CEP170: variants seen among roughly 807,000 people sequenced by gnomAD.
CEP170 encodes the protein centrosomal protein 170, also known as centrosomal protein of 170 kDa.
Under a neutral mutation model 151.9 loss-of-function variants are expected in CEP170, and 21 were observed. The observed-to-expected ratio is 0.14, with a 90% CI of 0.10 to 0.20. The LOEUF is 0.20. Ranked by LOEUF, CEP170 falls within the 10% of genes least tolerant of loss-of-function variation. The pLI is 1.00. For synonymous variants in CEP170, 356 were observed against 648.8 expected (o/e 0.55, Z 6.86); for missense variants, 964 against 1,892.9 (o/e 0.51, Z 9.11).
At chr1:243,210,742 G>A (rs1169341748) in intron 4 of CEP170, among the ~76,000 whole-genome samples, 1 of 151,014 alleles carries the variant, frequency 6.6e-6, no homozygotes, top group Admixed American at 6.6e-5. Flanking sequence ...AGCCTCTGGA[G>A]TAGCTGGGAT....
chr1:243,189,471 G>A (rs1477366910), intron 8 of CEP170, among the ~76,000 whole-genome samples: 3 of 150,890 alleles, frequency 2.0e-5, no homozygotes, highest in East Asian at 2.0e-4. Context: ...CAGGAGAATC[G>A]CGTGAACCCA....
intron 10 of CEP170, among the ~76,000 whole-genome samples, chr1:243,176,168 A>G (rs2059238420): frequency 6.6e-6 from 1 of 152,004 alleles, no homozygotes; most frequent in South Asian, 2.1e-4. Context: ...CTCAATCCAA[A>G]TCCCAAACAT....
At chr1:243,241,752 T>TG (rs2064858795) in intron 1 of CEP170, among the ~76,000 whole-genome samples, 1 of 150,416 alleles carries the variant, frequency 6.6e-6, no homozygotes, top group Admixed American at 6.6e-5. Flanking sequence ...ATCTCACCAC[T>TG]GCACTCCAGC....
At chr1:243,169,783 C>T (rs1175600996) in intron 11 of CEP170, 29 bp from the exon 12 acceptor site, 1 of 1,591,352 alleles carries the variant, frequency 6.3e-7, no homozygotes, top group South Asian at 1.2e-5. Flanking sequence ...AAAACAAAAT[C>T]ATGCAGCCTG....
At chr1:243,250,488 G>A (rs568573188) in intron 1 of CEP170, among the ~76,000 whole-genome samples, 9 of 152,198 alleles carry the variant, frequency 5.9e-5, no homozygotes, top group Non-Finnish European at 1.2e-4. Context: ...GTTGGTTTAT[G>A]TTGACTACAT....
At position 243,191,460 on chromosome 1, in the gene CEP170, T is replaced by C. The variant is rs1436044846; in HGVS notation, c.666A>G (p.Gln222=). 1 of 1,377,238 alleles carries C rather than the reference T, an allele frequency of 7.3e-7. No homozygotes were observed. The highest frequency in any genetic ancestry group is 2.0e-5 in the Admixed American group (1 of 50,818). 85.3% of individuals were successfully genotyped at this position (1,377,238 alleles called of 1,614,324 possible). ...CGIDAKQVEE[Q]SAAANEEVLF... is the part of the protein sequence containing the mutation. ...GTACTTCTTCATTTGCAGCTGCAGA[T>C]TGTTCCTCAACTTGCTTGGCATCTA... The change falls in exon 8 of 20, where the codon CAA becomes CAG. Residue 222 remains glutamine (Q), a synonymous_variant. Transcript: ENST00000366542.
chr1:243,148,337 G>A (rs1204048969), intron 14 of CEP170, among the ~76,000 whole-genome samples: 4 of 151,988 alleles, frequency 2.6e-5, no homozygotes, highest in Non-Finnish European at 4.4e-5. Context: ...TTGGGAGGCC[G>A]AGGTGGGCGG....
chr1:243,239,177 A>T (rs1375223034), intron 1 of CEP170, among the ~76,000 whole-genome samples: 1 of 152,184 alleles, frequency 6.6e-6, no homozygotes, highest in African/African-American at 2.4e-5. Flanking sequence ...TTTAATTTTT[A>T]AAAAACAGAA....
intron 3 of CEP170, 70 bp downstream of exon 3, chr1:243,221,654 T>C: frequency 7.1e-7 from 1 of 1,412,228 alleles, no homozygotes; most frequent in Admixed American, 2.4e-5. Flanking sequence ...CTAGGAAATG[T>C]AATCTGATTT....
At chr1:243,145,506 C>CTTGT (rs2056360884) in intron 14 of CEP170, among the ~76,000 whole-genome samples, 1 of 152,260 alleles carries the variant, frequency 6.6e-6, no homozygotes, top group Non-Finnish European at 1.5e-5. Context: ...ATCTCTTGAC[C>CTTGT]TTGTGATCCG....
chr1:243,179,645 G>GA (rs1430000469), intron 10 of CEP170, among the ~76,000 whole-genome samples: 2 of 152,152 alleles, frequency 1.3e-5, no homozygotes. Flanking sequence ...TAAATTCATT[G>GA]AAATAAGTTA....
chr1:243,161,303 CA>C (rs200842010), intron 13 of CEP170, among the ~76,000 whole-genome samples: 172 of 108,402 alleles, frequency 1.6e-3, no homozygotes, highest in East Asian at 1.5e-3. Flanking sequence ...GAGTCCGTCT[CA>C]AAAAAAAAAA....
chr1:243,141,202 C>T (rs2055793128), intron 15 of CEP170, among the ~76,000 whole-genome samples: 1 of 151,890 alleles, frequency 6.6e-6, no homozygotes, highest in Non-Finnish European at 1.5e-5. Flanking sequence ...TTAGGATTAT[C>T]TTGTAAAATT....
chr1:243,209,773 G>A (rs1033344631), intron 4 of CEP170, among the ~76,000 whole-genome samples: 9 of 151,376 alleles, frequency 5.9e-5, no homozygotes, highest in Admixed American at 4.6e-4. Context: ...TCCGCCTCCC[G>A]GGTTCACACC....
intron 4 of CEP170, among the ~76,000 whole-genome samples, chr1:243,203,173 T>A (rs2061174151): frequency 6.6e-6 from 1 of 152,176 alleles, no homozygotes; most frequent in Admixed American, 6.6e-5. Context: ...TACCATCTTC[T>A]TAGTGGTGCA....
At chr1:243,218,458 C>T (rs901624531) in intron 3 of CEP170, among the ~76,000 whole-genome samples, 4 of 152,160 alleles carry the variant, frequency 2.6e-5, no homozygotes, top group Non-Finnish European at 4.4e-5. Context: ...GAAAATGGCC[C>T]GTTAAAATAT....
chr1:243,126,619 T>A lies in CEP170; in HGVS notation c.4585A>T (p.Ser1529Cys). 6.4e-7 allele frequency: 1 copy of A among 1,571,386 alleles called. No individual in the cohort carries two copies. Among genetic ancestry groups the A allele is most frequent in the Non-Finnish European group, 8.6e-7 (1 of 1,157,150 alleles). ...CCAAGTGTTGGTGTCTGACCCGGGC[T>A]GTGGTGGTTATTCACAGGGCTGGAC... ...QKSSPVNNHHSPGQTPTLGQP... is the reference protein window; with the variant it reads ...QKSSPVNNHHCPGQTPTLGQP... Residue 1529 changes from serine (S) to cysteine (C), a missense_variant, in exon 20 of 20, where the codon AGC (serine) becomes TGC (cysteine). By Grantham distance (112) the Ser-to-Cys change is moderately radical. Transcript: ENST00000366542.
chr1:243,229,914 A>T (rs1039091563), intron 1 of CEP170, among the ~76,000 whole-genome samples: 1 of 152,254 alleles, frequency 6.6e-6, no homozygotes, highest in Non-Finnish European at 1.5e-5. Context: ...TGACCACATT[A>T]TAACAAAAAC....
chr1:243,254,525 CCAA>C (rs200248716), intron 1 of CEP170: 46,676 of 151,896 alleles, frequency 0.31, 7,477 homozygotes, highest in South Asian at 0.54. Flanking sequence ...CCTGACCTCG[CCAA>C]CCGCCTCACA....
Sources: gnomAD v4.1 joint callset for allele counts (sites outside exome capture counted in the v4.1 genomes callset) on GRCh38, gnomAD v4.1.1 for gene constraint, MANE v1.5 for transcripts, NCBI Gene and HGNC (gene_info 2026-07-23, HGNC 2026-07-21) for gene names.